Variants in EZR observed in about 807,000 individuals in gnomAD.
EZR encodes cytovillin 2.
In EZR, 40 loss-of-function variants were observed where a neutral mutation model predicts 74.8. The observed-to-expected ratio is 0.53, with a 90% CI of 0.42 to 0.70. The LOEUF (loss-of-function observed/expected upper bound fraction) is 0.70. Ranked by LOEUF, EZR falls within the 30% of genes least tolerant of loss-of-function variation. EZR has a pLI of 0.00. For missense variants in EZR, 678 were observed against 755.8 expected, an observed-to-expected ratio of 0.90 and a Z score of 1.21; for synonymous variants, 341 against 283.3, an observed-to-expected ratio of 1.20 and a Z score of -2.05.
chr6:158,776,358 G>A (rs1022010779), intron 8 of EZR, 50 bp downstream of exon 8: 2 of 1,420,134 alleles, frequency 1.4e-6, no homozygotes, highest in Non-Finnish European at 2.0e-6. Context: ...ACCCTGACAA[G>A]TATAAGAATG....
At chr6:158,789,445 A>G in intron 2 of EZR, 74 bp from the exon 3 acceptor site, 6 of 1,349,996 alleles carry the variant, frequency 4.4e-6, no homozygotes, top group Middle Eastern at 3.6e-4. Context: ...CACCTTCTAC[A>G]TAAGCTGCTC....
At chr6:158,799,076 A>G (rs1007997098) in intron 2 of EZR, among the ~76,000 whole-genome samples, 1 of 152,188 alleles carries the variant, frequency 6.6e-6, no homozygotes, top group Non-Finnish European at 1.5e-5. Flanking sequence ...AAAACATGAC[A>G]ATACCAGGCA....
intron 8 of EZR, among the ~76,000 whole-genome samples, chr6:158,773,978 G>A (rs185693574): frequency 9.2e-5 from 14 of 152,318 alleles, no homozygotes; most frequent in Admixed American, 5.2e-4. Flanking sequence ...ATGCACCTTG[G>A]CAGGGAAGAG....
At chr6:158,768,191 G>C (rs1250778267) in intron 12 of EZR, among the ~76,000 whole-genome samples, 2 of 151,854 alleles carry the variant, frequency 1.3e-5, no homozygotes, top group Non-Finnish European at 2.9e-5. Flanking sequence ...TGGGTTCTGA[G>C]CAAGAGCTGA....
At chr6:158,789,807 A>G (rs1791685508) in intron 2 of EZR, among the ~76,000 whole-genome samples, 3 of 152,152 alleles carry the variant, frequency 2.0e-5, no homozygotes, top group South Asian at 2.1e-4. Flanking sequence ...TTTTGTAGAG[A>G]CGGGGTCTCA....
chr6:158,797,341 A>G (rs1777094927), intron 2 of EZR, among the ~76,000 whole-genome samples: 1 of 152,220 alleles, frequency 6.6e-6, no homozygotes, highest in African/African-American at 2.4e-5. Flanking sequence ...CAGGAAAACC[A>G]TGTAAAATAA....
In EZR at chr6:158,788,564, T is replaced by C. The variant is rs1341996582; in HGVS notation, c.96+724A>G. On this transcript the variant is annotated intron_variant, in intron 3 of 13. Transcript: ENST00000367075. ...CGGGGAGCTGATGCAGGAGAATTGC[T>C]TGAACCTGTGAGACAGAGGTTGCAG... 2.6e-5 allele frequency: 4 copies of C among 152,170 alleles called. No individual in the cohort carries two copies. In the East Asian group the frequency reaches 7.7e-4, roughly 29 times the overall value. The allele number at this position is 152,170 out of a possible 1,614,324, so 9.4% of individuals were successfully genotyped here. A position where few individuals can be genotyped will look rare whatever the true frequency, so the allele number is the denominator to read the frequency against.
chr6:158,785,244 A>G, intron 5 of EZR, 65 bp downstream of exon 5: 1 of 1,586,328 alleles, frequency 6.3e-7, no homozygotes, highest in Non-Finnish European at 8.6e-7. Context: ...CTTCTAAGGC[A>G]ATCACTTCTC....
intron 7 of EZR, among the ~76,000 whole-genome samples, chr6:158,782,883 T>C (rs1206154599): frequency 2.0e-5 from 3 of 152,214 alleles, no homozygotes; most frequent in Non-Finnish European, 4.4e-5. Context: ...TGACTTTCCC[T>C]GTTTATCCTC....
In EZR at chr6:158,816,111, T is replaced by C. The variant is rs187145560; in HGVS notation, c.12+1971A>G. ...CTATCACGATTCCACCTGCATGAGG[T>C]ATCTAAAGTTGTCGAATTCATAGAG... is the stretch of plus-strand genomic sequence containing the variant. On this transcript the variant is annotated intron_variant, in intron 2 of 13. Transcript: ENST00000367075. 5.9e-3 allele frequency among the ~76,000 whole-genome samples: 901 copies of C among 152,288 alleles called. 19 individuals carry two copies. Among genetic ancestry groups the C allele is most frequent in the Non-Finnish European group, 4.6e-3 (310 of 68,022 alleles).
At chr6:158,772,756 C>T (rs1791155736) in intron 8 of EZR, among the ~76,000 whole-genome samples, 1 of 152,192 alleles carries the variant, frequency 6.6e-6, no homozygotes, top group Non-Finnish European at 1.5e-5. Flanking sequence ...CCCCAGCATC[C>T]AGCTTCTGAC....
At chr6:158,769,275 T>C (rs542845518) in intron 12 of EZR, 51 bp downstream of exon 12, 80 of 1,543,328 alleles carry the variant, frequency 5.2e-5, no homozygotes, top group South Asian at 2.5e-4. Flanking sequence ...CCGCAGGCAA[T>C]TGGGCAACAG....
At position 158,789,233 on chromosome 6, in the gene EZR, T is replaced by C. The variant is rs574213983; in HGVS notation, c.96+55A>G. 2.2e-6 allele frequency: 3 copies of C among 1,361,306 alleles called. No homozygotes were observed. In the South Asian group the frequency reaches 3.7e-5, roughly 17 times the overall value. 84.3% of individuals were successfully genotyped at this position (1,361,306 alleles called of 1,614,324 possible). ...CTTCGCAAACAAAATAACTGAAATG[T>C]TGCAAAACAGTTTTTTTTTGTAGGT... On this transcript the variant is annotated intron_variant, in intron 3 of 13. Coordinates refer to ENST00000367075, the MANE Select transcript of EZR (RefSeq NM_001111077.2).
intron 11 of EZR, among the ~76,000 whole-genome samples, 159 bp from the exon 12 acceptor site, chr6:158,769,577 G>A (rs368797607): frequency 3.5e-4 from 53 of 151,490 alleles, no homozygotes; most frequent in African/African-American, 1.1e-3. Context: ...GTGCACCCCC[G>A]GCATCTCTTC....
chr6:158,796,703 C>G (rs1179328859), intron 2 of EZR, among the ~76,000 whole-genome samples: 2 of 152,196 alleles, frequency 1.3e-5, no homozygotes, highest in African/African-American at 2.4e-5. Context: ...GTGGGGTTTT[C>G]TGTTTCTTCC....
intron 4 of EZR, 75 bp downstream of exon 4, chr6:158,787,033 G>T: frequency 1.7e-6 from 2 of 1,189,268 alleles, no homozygotes; most frequent in South Asian, 1.3e-5. Flanking sequence ...GACAGGGTGA[G>T]TTGCTCCAGT....
intron 12 of EZR, among the ~76,000 whole-genome samples, chr6:158,768,261 G>A (rs1790974350): frequency 6.6e-6 from 1 of 151,934 alleles, no homozygotes; most frequent in Non-Finnish European, 1.5e-5. Flanking sequence ...TCATGTAAGA[G>A]GTGCCTGCTT....
intron 2 of EZR, among the ~76,000 whole-genome samples, chr6:158,798,261 G>A (rs571284296): frequency 1.3e-5 from 2 of 152,116 alleles, no homozygotes; most frequent in Admixed American, 6.5e-5. Context: ...GTTGCTTTTA[G>A]CAATTGCAAA....
At chr6:158,777,347 C>T (rs530187224) in intron 7 of EZR, among the ~76,000 whole-genome samples, 1 of 152,252 alleles carries the variant, frequency 6.6e-6, no homozygotes, top group Non-Finnish European at 1.5e-5. Flanking sequence ...TTCAAACTAA[C>T]CGCCCTAATG....
Sources: gnomAD v4.1 joint callset for allele counts (sites outside exome capture counted in the v4.1 genomes callset) on GRCh38, gnomAD v4.1.1 for gene constraint, MANE v1.5 for transcripts, NCBI Gene and HGNC (gene_info 2026-07-23, HGNC 2026-07-21) for gene names.